SMAP1: variants seen among roughly 807,000 people sequenced by gnomAD.
SMAP1 encodes stromal membrane-associated protein 1.
SMAP1 carries 24 observed loss-of-function variants against 58.5 expected under a neutral mutation model. That is an observed-to-expected ratio of 0.41 (90% CI 0.30 to 0.58). The LOEUF is 0.58. Among genes scored for constraint, SMAP1 ranks in the 20% least tolerant of loss-of-function variants. The pLI is 0.29. For synonymous variants in SMAP1, 216 were observed against 196.6 expected, an observed-to-expected ratio of 1.10 and a Z score of -0.82; for missense variants, 563 against 566.3, an observed-to-expected ratio of 0.99 and a Z score of 0.06.
chr6:70,766,886 C>T (rs551773520), intron 3 of SMAP1, among the ~76,000 whole-genome samples: 15 of 152,132 alleles, frequency 9.9e-5, no homozygotes, highest in Non-Finnish European at 1.8e-4. Context: ...TTAGGTCTAA[C>T]ATTTAAGTCT....
chr6:70,712,777 C>G (rs1162250851), intron 1 of SMAP1, among the ~76,000 whole-genome samples: 1 of 144,140 alleles, frequency 6.9e-6, no homozygotes, highest in East Asian at 2.0e-4. Flanking sequence ...CTTTTCTTTT[C>G]TTTTTTCTTT....
intron 1 of SMAP1, among the ~76,000 whole-genome samples, chr6:70,691,830 A>G (rs1220544172): frequency 6.6e-6 from 1 of 152,204 alleles, no homozygotes; most frequent in Non-Finnish European, 1.5e-5. Flanking sequence ...CAATGTGTAT[A>G]TGTACCACGT....
intron 1 of SMAP1, among the ~76,000 whole-genome samples, chr6:70,729,899 C>T (rs1173971202): frequency 5.9e-5 from 9 of 152,158 alleles, no homozygotes; most frequent in Non-Finnish European, 2.9e-5. Flanking sequence ...GCAGCATGGG[C>T]ATCACTGGGA....
intron 3 of SMAP1, among the ~76,000 whole-genome samples, chr6:70,763,852 G>A (rs1301937506): frequency 2.0e-5 from 3 of 152,212 alleles, no homozygotes; most frequent in Non-Finnish European, 4.4e-5. Context: ...AAGGCTGAGA[G>A]TGATGAGGAA....
chr6:70,821,315 A>T (rs989776174), intron 6 of SMAP1, among the ~76,000 whole-genome samples: 5 of 151,326 alleles, frequency 3.3e-5, no homozygotes, highest in African/African-American at 1.2e-4. Context: ...ACATTCTTCT[A>T]TTGTCTGTCT....
At chr6:70,668,699 G>A in intron 1 of SMAP1, 1 of 1,536,118 alleles carries the variant, frequency 6.5e-7, no homozygotes, top group Non-Finnish European at 8.7e-7. Flanking sequence ...CTGAAAAAGA[G>A]TATGGTGGTC....
intron 6 of SMAP1, among the ~76,000 whole-genome samples, chr6:70,807,438 G>T (rs1348982037): frequency 1.3e-5 from 2 of 152,012 alleles, no homozygotes; most frequent in Middle Eastern, 6.8e-3. Flanking sequence ...TGTAAATTTC[G>T]TTTTTTCTAA....
intron 1 of SMAP1, among the ~76,000 whole-genome samples, chr6:70,720,700 C>G (rs1408071488): frequency 1.3e-5 from 2 of 152,180 alleles, no homozygotes; most frequent in Non-Finnish European, 2.9e-5. Context: ...GGCTTAACAC[C>G]ACATGGAAGC....
intron 6 of SMAP1, among the ~76,000 whole-genome samples, chr6:70,832,251 T>A (rs990123426): frequency 6.6e-6 from 1 of 152,184 alleles, no homozygotes; most frequent in Non-Finnish European, 1.5e-5. Flanking sequence ...GTGCAGACGC[T>A]CTTTAGCTTA....
At chr6:70,765,199 C>A (rs1476936424) in intron 3 of SMAP1, among the ~76,000 whole-genome samples, 1 of 152,184 alleles carries the variant, frequency 6.6e-6, no homozygotes, top group African/African-American at 2.4e-5. Flanking sequence ...ACTGTGAGTG[C>A]TTTCATAATG....
At position 70,755,056 on chromosome 6, in the gene SMAP1, A is replaced by G. The variant is rs759770398; in HGVS notation, c.329A>G (p.Gln110Arg). 2.4e-5 allele frequency: 38 copies of G among 1,607,882 alleles called. No individual in the cohort carries two copies. Among genetic ancestry groups the G allele is most frequent in the Non-Finnish European group, 3.1e-5 (37 of 1,175,490 alleles). The change falls in exon 3 of 11, where the codon CAG (glutamine) becomes CGG (arginine). Residue 110 changes from glutamine (Q) to arginine (R), a missense_variant. Around this residue, in one of 3 missense-constraint regions of SMAP1, gnomAD observed 494 missense variants for 473.8 expected, o/e 1.04. Transcript: ENST00000370455. ...ANLPENFRRPQTDQAVEFFIR... is the reference protein window; with the variant it reads ...ANLPENFRRPRTDQAVEFFIR... ...CTTCCAGAGAACTTTCGAAGACCAC[A>G]GACAGATCAGTATCCTTTAAAACTT...
intron 1 of SMAP1, among the ~76,000 whole-genome samples, chr6:70,718,802 A>G (rs1467524504): frequency 1.5e-5 from 2 of 133,958 alleles, no homozygotes; most frequent in South Asian, 2.5e-4. Flanking sequence ...CCTGGGTGAC[A>G]GTGTAAGACT....
At position 70,754,965 on chromosome 6, in the gene SMAP1, T is replaced by C; in HGVS notation, c.253-15T>C. 1.3e-6 allele frequency: 2 copies of C among 1,564,440 alleles called. No individual in the cohort carries two copies. Among genetic ancestry groups the C allele is most frequent in the Non-Finnish European group, 1.7e-6 (2 of 1,146,296 alleles). The stretch of plus-strand genomic sequence containing the variant: ...AATGTTTATGTGAGTAATTAAAAAA[T>C]TTTTTTTATTATAGTGCATGCAAGA... On this transcript the variant is annotated splice_polypyrimidine_tract_variant and intron_variant, in intron 2 of 10. Coordinates refer to ENST00000370455, the MANE Select transcript of SMAP1 (RefSeq NM_001044305.3).
chr6:70,720,898 G>C (rs561358544), intron 1 of SMAP1, among the ~76,000 whole-genome samples: 5 of 152,320 alleles, frequency 3.3e-5, no homozygotes, highest in African/African-American at 1.2e-4. Context: ...CTGCTGTGAA[G>C]GTCTCTGACA....
chr6:70,789,328 C>G (rs1035666675), intron 4 of SMAP1, among the ~76,000 whole-genome samples: 1 of 152,014 alleles, frequency 6.6e-6, no homozygotes, highest in African/African-American at 2.4e-5. Context: ...TTTCTTTGTG[C>G]CCCTCGCTAG....
At chr6:70,728,015 A>G (rs944906479) in intron 1 of SMAP1, among the ~76,000 whole-genome samples, 8 of 152,228 alleles carry the variant, frequency 5.3e-5, no homozygotes, top group Middle Eastern at 3.4e-3. Flanking sequence ...GTGAGCCAAG[A>G]TCTTCACCAC....
intron 1 of SMAP1, among the ~76,000 whole-genome samples, chr6:70,686,314 A>C (rs925024059): frequency 6.6e-6 from 1 of 152,094 alleles, no homozygotes; most frequent in African/African-American, 2.4e-5. Context: ...TTCTGTGTTT[A>C]GTTTACTTTT....
chr6:70,853,117 C>G (rs148343168), intron 8 of SMAP1, among the ~76,000 whole-genome samples: 1 of 151,994 alleles, frequency 6.6e-6, no homozygotes, highest in African/African-American at 2.4e-5. Flanking sequence ...TGCAGAAGTT[C>G]TAGCAAATTT....
intron 4 of SMAP1, among the ~76,000 whole-genome samples, chr6:70,784,671 G>T (rs908887619): frequency 6.6e-6 from 1 of 152,184 alleles, no homozygotes; most frequent in African/African-American, 2.4e-5. Context: ...TGATAAAACA[G>T]ACTTCAAACC....
Sources: allele counts gnomAD v4.1 joint callset (sites outside exome capture counted in the v4.1 genomes callset), GRCh38; gene constraint gnomAD v4.1.1; regional missense constraint gnomAD v4.1.1; transcripts MANE v1.5; gene names NCBI Gene and HGNC (gene_info 2026-07-23, HGNC 2026-07-21).